Variants in WRN observed in about 807,000 individuals in gnomAD.
WRN encodes WRN RecQ like helicase, also known as bifunctional 3'-5' exonuclease/ATP-dependent helicase WRN.
A neutral mutation model predicts 180.7 loss-of-function variants in WRN; 149 were observed. The ratio of observed to expected loss-of-function variants is 0.82; its 90% CI spans 0.72 to 0.94. WRN has a LOEUF of 0.94. Ranked by LOEUF, WRN falls within the 40% of genes least tolerant of loss-of-function variation. The pLI, the probability that WRN is intolerant of heterozygous loss-of-function variation, is 0.00. For synonymous variants in WRN, 548 were observed against 568.9 expected, an observed-to-expected ratio of 0.96 and a Z score of 0.52; for missense variants, 1,661 against 1,700.1, an observed-to-expected ratio of 0.98 and a Z score of 0.40.
intron 7 of WRN, among the ~76,000 whole-genome samples, chr8:31,072,429 G>T (rs1744924840): frequency 6.6e-6 from 1 of 152,150 alleles, no homozygotes; most frequent in Non-Finnish European, 1.5e-5. Flanking sequence ...TAACATGAAG[G>T]TCCTATAACC....
chr8:31,145,824 C>T lies in WRN; in HGVS notation c.3384-1229C>T, dbSNP rs11574355. Among the ~76,000 whole-genome samples the T allele has an allele frequency of 3.9e-3, 593 of 151,968 alleles. 7 individuals are homozygous for T. Among genetic ancestry groups the T allele is most frequent in the African/African-American group, 0.014 (567 of 41,424 alleles). Reference sequence around the variant, plus strand: ...ATATTAATAGGAATTTGGAAGAAGTCGATTCTTATTAAAATCAAGAGTTTA... The same window carrying T: ...ATATTAATAGGAATTTGGAAGAAGTTGATTCTTATTAAAATCAAGAGTTTA... On this transcript the variant is annotated intron_variant, in intron 28 of 34. Transcript: ENST00000298139.
chr8:31,054,326 A>C (rs1812184057), intron 1 of WRN, among the ~76,000 whole-genome samples: 1 of 152,262 alleles, frequency 6.6e-6, no homozygotes. Context: ...CCTGTGAATG[A>C]GATTAATTTT....
At chr8:31,125,167 A>C (rs962279251) in intron 23 of WRN, among the ~76,000 whole-genome samples, 167 bp downstream of exon 23, 2 of 152,014 alleles carry the variant, frequency 1.3e-5, no homozygotes, top group African/African-American at 4.8e-5. Context: ...TTGCTTAAAA[A>C]ATAGATAAAG....
chr8:31,090,471 G>A lies in WRN; in HGVS notation c.1659G>A (p.Gln553=), dbSNP rs1002301814. 3 of 1,611,848 alleles carry A rather than the reference G, an allele frequency of 1.9e-6. No homozygotes were observed. Among genetic ancestry groups the A allele is most frequent in the African/African-American group, 2.7e-5 (2 of 74,832 alleles). ...YFGHSSFKPV[Q]WKVIHSVLEE... Reference sequence around the variant, plus strand: ...TTTGCTTTTCACCTTCAAGAGTTCAGTGGAAAGTGATTCATTCAGTATTAG... The same window carrying A: ...TTTGCTTTTCACCTTCAAGAGTTCAATGGAAAGTGATTCATTCAGTATTAG... The change falls in exon 14 of 35, where the codon CAG becomes CAA. Residue 553 remains glutamine, a synonymous_variant. Transcript: ENST00000298139.
intron 1 of WRN, among the ~76,000 whole-genome samples, chr8:31,057,329 G>A (rs1812308856): frequency 6.6e-6 from 1 of 152,034 alleles, no homozygotes; most frequent in African/African-American, 2.4e-5. Context: ...CACTTTGGGA[G>A]GCTGAGGTGG....
chr8:31,124,053 A>G (rs1290724524), intron 21 of WRN, among the ~76,000 whole-genome samples: 4 of 152,126 alleles, frequency 2.6e-5, no homozygotes, highest in Non-Finnish European at 5.9e-5. Context: ...GAGCTGATAG[A>G]GATAAAGGTT....
rs1030268731 is a variant in WRN at position 31,174,505 on chromosome 8, C to T, written c.*1403C>T. 1.3e-5 allele frequency among the ~76,000 whole-genome samples: 2 copies of T among 152,284 alleles called. No homozygotes were observed. Among genetic ancestry groups the T allele is most frequent in the African/African-American group, 4.8e-5 (2 of 41,562 alleles). On this transcript the variant is annotated 3_prime_UTR_variant, in exon 35 of 35. Transcript: ENST00000298139. ...TGGCAGACATTTTCTCAAAATTGAACTAAGTTGGCCTCTTCACGGAAAACA... is the reference window on the plus strand; with the variant it reads ...TGGCAGACATTTTCTCAAAATTGAATTAAGTTGGCCTCTTCACGGAAAACA...
At chr8:31,089,040 T>C in intron 13 of WRN, 75 bp downstream of exon 13, 2 of 1,320,680 alleles carry the variant, frequency 1.5e-6, no homozygotes, top group South Asian at 1.2e-5. Flanking sequence ...AAATAACCTG[T>C]CTGCTTAACA....
At chr8:31,172,958 C>G in intron 34 of WRN, 37 bp from the exon 35 acceptor site, 2 of 1,600,888 alleles carry the variant, frequency 1.2e-6, no homozygotes, top group Non-Finnish European at 1.7e-6. Flanking sequence ...CTCAGTAGTA[C>G]AAAGATTTGA....
chr8:31,050,610 T>C (rs996609390), intron 1 of WRN, among the ~76,000 whole-genome samples: 1 of 151,972 alleles, frequency 6.6e-6, no homozygotes, highest in Admixed American at 6.6e-5. Flanking sequence ...CTTCATAGTA[T>C]AATTTTCAAC....
chr8:31,120,086 G>A (rs1801664679), intron 20 of WRN, 157 bp from the exon 21 acceptor site: 1 of 809,456 alleles, frequency 1.2e-6, no homozygotes, highest in African/African-American at 1.7e-5. Flanking sequence ...TGTAAATCAG[G>A]CAGATAATCT....
intron 34 of WRN, among the ~76,000 whole-genome samples, chr8:31,170,479 T>A (rs1804061137): frequency 6.6e-6 from 1 of 152,212 alleles, no homozygotes; most frequent in Non-Finnish European, 1.5e-5. Context: ...TGAAAATAGT[T>A]TTCATGACAA....
Position 31,081,056 on chromosome 8 carries a change from A to G in WRN, c.1029A>G (p.Glu343=). 1 of 1,614,086 alleles carries G rather than the reference A, an allele frequency of 6.2e-7. No individual in the cohort carries two copies. Among genetic ancestry groups the G allele is most frequent in the Non-Finnish European group, 8.5e-7 (1 of 1,179,978 alleles). ...IREHEVLIHV[E]DETWDPTLDH... The stretch of plus-strand genomic sequence containing the variant: ...AACATGAAGTTTTAATTCACGTTGA[A>G]GATGAAACATGGGACCCAACACTTG... Residue 343 remains glutamate (E), a synonymous_variant, in exon 9 of 35, where the codon GAA becomes GAG. Transcript: ENST00000298139.
chr8:31,047,201 G>C (rs1811901448), intron 1 of WRN, among the ~76,000 whole-genome samples: 1 of 149,296 alleles, frequency 6.7e-6, no homozygotes, highest in Admixed American at 6.7e-5. Flanking sequence ...ATAGTGCAGT[G>C]GCAAGATCGT....
chr8:31,078,950 A>G lies in WRN; in HGVS notation c.840-1917A>G, dbSNP rs146925040. On this transcript the variant is annotated intron_variant, in intron 8 of 34. Transcript: ENST00000298139. ...ACACTCTTGATAGTCAATCTGTGCCACTGTTGCTGTGTTTGTATGTTACAC... is the reference window on the plus strand; with the variant it reads ...ACACTCTTGATAGTCAATCTGTGCCGCTGTTGCTGTGTTTGTATGTTACAC... Among the ~76,000 whole-genome samples the G allele has an allele frequency of 4.1e-4, 63 of 152,288 alleles. No individual in the cohort carries two copies. The East Asian group carries it at 6.8e-3, about 16-fold the overall frequency.
At chr8:31,089,869 CCATT>C (rs762766246) in intron 13 of WRN, among the ~76,000 whole-genome samples, 2 of 152,074 alleles carry the variant, frequency 1.3e-5, no homozygotes, top group East Asian at 3.9e-4. Flanking sequence ...CTCTATCCAT[CCATT>C]CATTCATTCC....
At chr8:31,077,897 G>T (rs1351929351) in intron 8 of WRN, among the ~76,000 whole-genome samples, 2 of 152,138 alleles carry the variant, frequency 1.3e-5, no homozygotes, top group Non-Finnish European at 2.9e-5. Flanking sequence ...ATGTGACATT[G>T]TTTTTCCAGA....
chr8:31,058,461 A>G lies in WRN; in HGVS notation c.14A>G (p.Lys5Arg). The G allele has an allele frequency of 6.2e-7, 1 of 1,613,634 alleles. No homozygotes were observed. Among genetic ancestry groups the G allele is most frequent in the Non-Finnish European group, 8.5e-7 (1 of 1,179,764 alleles). Residue 5 changes from lysine (K) to arginine (R), a missense_variant, in exon 2 of 35, where the codon AAA becomes AGA. Coordinates refer to ENST00000298139, the MANE Select transcript of WRN (RefSeq NM_000553.6). MSEKKLETTAQQRKC... is the reference protein window; with the variant it reads MSEKRLETTAQQRKC... ...GACATTTCAAAGATGAGTGAAAAAA[A>G]ATTGGAAACAACTGCACAGCAGCGG...
chr8:31,065,111 T>A, intron 5 of WRN, 48 bp downstream of exon 5: 1 of 1,570,208 alleles, frequency 6.4e-7, no homozygotes, highest in Non-Finnish European at 8.7e-7. Context: ...TATTTTGTGT[T>A]ACACAGAATG....
Sources: gnomAD v4.1 joint callset for allele counts (sites outside exome capture counted in the v4.1 genomes callset) on GRCh38, gnomAD v4.1.1 for gene constraint, MANE v1.5 for transcripts, NCBI Gene and HGNC (gene_info 2026-07-23, HGNC 2026-07-21) for gene names.